MAPK4: variants seen among roughly 807,000 people sequenced by gnomAD.
MAPK4 encodes the protein mitogen-activated protein kinase 4.
In MAPK4, 22 loss-of-function variants were observed where a neutral mutation model predicts 47.7. The ratio of observed to expected loss-of-function variants is 0.46; its 90% CI spans 0.33 to 0.66. The LOEUF is 0.66. MAPK4 is among the 30% of genes least tolerant of loss of function. The pLI, the probability that MAPK4 is intolerant of heterozygous loss-of-function variation, is 0.02. For synonymous variants in MAPK4, 390 were observed against 365.7 expected, an observed-to-expected ratio of 1.07 and a Z score of -0.76; for missense variants, 736 against 831.7, an observed-to-expected ratio of 0.88 and a Z score of 1.42.
chr18:50,567,164 A>G (rs2042205852), intron 1 of MAPK4, among the ~76,000 whole-genome samples: 1 of 151,962 alleles, frequency 6.6e-6, no homozygotes, highest in East Asian at 1.9e-4. Context: ...ATAGGTATAC[A>G]CGTGCCATGG....
chr18:50,579,754 G>C (rs544344587), intron 1 of MAPK4, among the ~76,000 whole-genome samples: 3 of 152,136 alleles, frequency 2.0e-5, no homozygotes, highest in African/African-American at 7.2e-5. Flanking sequence ...AGTCAGTAGG[G>C]CTGTCCAAAA....
At chr18:50,624,208 G>A (rs957669684) in intron 1 of MAPK4, among the ~76,000 whole-genome samples, 1 of 152,204 alleles carries the variant, frequency 6.6e-6, no homozygotes, top group Admixed American at 6.5e-5. Context: ...GGACAGAGCA[G>A]GATGTAATCA....
chr18:50,577,833 G>A (rs927752496), intron 1 of MAPK4, among the ~76,000 whole-genome samples: 3 of 152,160 alleles, frequency 2.0e-5, no homozygotes, highest in Non-Finnish European at 2.9e-5. Context: ...AGCTGAAACT[G>A]ACAGCCAAGA....
At chr18:50,672,489 A>G (rs1391884869) in intron 2 of MAPK4, among the ~76,000 whole-genome samples, 1 of 152,060 alleles carries the variant, frequency 6.6e-6, no homozygotes, top group East Asian at 1.9e-4. Flanking sequence ...TGGAAAGCTC[A>G]TTGTGTTGGC....
intron 1 of MAPK4, among the ~76,000 whole-genome samples, chr18:50,624,272 G>T (rs552981342): frequency 6.6e-6 from 1 of 152,288 alleles, no homozygotes; most frequent in East Asian, 1.9e-4. Context: ...TGTATGGCCT[G>T]TTGCACAAAT....
At chr18:50,647,185 T>G (rs2042997818) in intron 1 of MAPK4, among the ~76,000 whole-genome samples, 2 of 152,232 alleles carry the variant, frequency 1.3e-5, no homozygotes, top group African/African-American at 4.8e-5. Context: ...AAATGTGTTT[T>G]CATCTTGATT....
At chr18:50,622,513 C>T (rs2042741297) in intron 1 of MAPK4, among the ~76,000 whole-genome samples, 1 of 152,210 alleles carries the variant, frequency 6.6e-6, no homozygotes, top group Non-Finnish European at 1.5e-5. Flanking sequence ...CAAGTCAGTC[C>T]TTGGAGGGGG....
chr18:50,602,898 G>T (rs2042552742), intron 1 of MAPK4, among the ~76,000 whole-genome samples: 2 of 152,116 alleles, frequency 1.3e-5, no homozygotes, highest in Admixed American at 6.5e-5. Context: ...TATAATCCTG[G>T]AATATTGCAG....
chr18:50,591,474 T>C (rs1375483053), intron 1 of MAPK4, among the ~76,000 whole-genome samples: 2 of 151,524 alleles, frequency 1.3e-5, no homozygotes, highest in Non-Finnish European at 2.9e-5. Flanking sequence ...AGAATTAGCA[T>C]GCTGACCGAG....
At chr18:50,568,461 C>T (rs377071269) in intron 1 of MAPK4, among the ~76,000 whole-genome samples, 12 of 152,202 alleles carry the variant, frequency 7.9e-5, no homozygotes, top group African/African-American at 2.9e-4. Flanking sequence ...ACTGTCACGT[C>T]TCTCCATTTA....
chr18:50,706,760 A>G (rs557228494), intron 2 of MAPK4, among the ~76,000 whole-genome samples: 11 of 152,270 alleles, frequency 7.2e-5, no homozygotes, highest in African/African-American at 2.4e-4. Context: ...AAAATCAGAT[A>G]AGGAAACTGA....
intron 1 of MAPK4, among the ~76,000 whole-genome samples, chr18:50,632,074 T>C (rs752534716): frequency 9.2e-5 from 14 of 152,234 alleles, no homozygotes; most frequent in Middle Eastern, 6.8e-3. Flanking sequence ...CTCCTAGGTA[T>C]GGGCCCTACT....
At chr18:50,713,246 G>C (rs1370649237) in intron 2 of MAPK4, among the ~76,000 whole-genome samples, 15 of 152,196 alleles carry the variant, frequency 9.9e-5, no homozygotes, top group Admixed American at 9.8e-4. Context: ...TTTACCCTAT[G>C]TAAATTATAC....
At chr18:50,627,180 A>C (rs947388148) in intron 1 of MAPK4, among the ~76,000 whole-genome samples, 6 of 151,734 alleles carry the variant, frequency 4.0e-5, no homozygotes, top group African/African-American at 1.5e-4. Flanking sequence ...GCGGACTTGG[A>C]CCAGCCTTGG....
At chr18:50,650,504 G>A (rs1164622412) in intron 1 of MAPK4, among the ~76,000 whole-genome samples, 2 of 152,180 alleles carry the variant, frequency 1.3e-5, no homozygotes, top group East Asian at 3.9e-4. Flanking sequence ...CACTGTCTTG[G>A]TTACACCTGA....
At chr18:50,634,183 G>C (rs1489480402) in intron 1 of MAPK4, among the ~76,000 whole-genome samples, 1 of 152,204 alleles carries the variant, frequency 6.6e-6, no homozygotes, top group Non-Finnish European at 1.5e-5. Flanking sequence ...AGCTGAGCGG[G>C]GGTATTCTGA....
At chr18:50,559,738 A>AT (rs2042134418), upstream of MAPK4, among the ~76,000 whole-genome samples, 1 of 150,788 alleles carries the variant, frequency 6.6e-6, no homozygotes, top group Non-Finnish European at 1.5e-5. Context: ...GAGCCCGAGG[A>AT]TCCCCCACCC....
At chr18:50,592,039 G>C (rs374100327) in intron 1 of MAPK4, among the ~76,000 whole-genome samples, 1 of 152,122 alleles carries the variant, frequency 6.6e-6, no homozygotes. Flanking sequence ...AAAGTCCTGG[G>C]AAGTTAATTA....
Position 50,650,451 on chromosome 18 carries a change from G to A in MAPK4, c.-870-12638G>A, listed in dbSNP as rs184618024. ...GATCCTGAGTGTTTTGTTTCCCACC[G>A]ATGCATGTGGGCATGAGACTGTCCA... On this transcript the variant is annotated intron_variant, in intron 1 of 5. Transcript: ENST00000400384. Among the ~76,000 whole-genome samples the A allele has an allele frequency of 7.2e-5, 11 of 152,104 alleles. No individual in the cohort carries two copies. The East Asian group carries it at 1.7e-3, about 24-fold the overall frequency.
Sources: allele counts gnomAD v4.1 joint callset (sites outside exome capture counted in the v4.1 genomes callset), GRCh38; gene constraint gnomAD v4.1.1; transcripts MANE v1.5; gene names NCBI Gene and HGNC (gene_info 2026-07-23, HGNC 2026-07-21).